The following ALMS1 variants were observed in gnomAD, a reference collection of about 807,000 sequenced individuals.
ALMS1 encodes centrosome-associated protein ALMS1.
ALMS1 carries 271 observed loss-of-function variants against 352.2 expected under a neutral mutation model. The observed-to-expected ratio is 0.77, with a 90% CI of 0.70 to 0.85. The LOEUF is 0.85. Among genes scored for constraint, ALMS1 ranks in the 40% least tolerant of loss-of-function variants. ALMS1 has a pLI of 0.00. For missense variants in ALMS1, 5,445 were observed against 4,870.7 expected (o/e 1.12, Z -3.51); for synonymous variants, 1,865 against 1,761.2 (o/e 1.06, Z -1.48).
chr2:73,397,447 A>G (rs1451096692), intron 1 of ALMS1, among the ~76,000 whole-genome samples: 1 of 149,926 alleles, frequency 6.7e-6, no homozygotes, highest in Non-Finnish European at 1.5e-5. Flanking sequence ...GCTTCACCAG[A>G]CCTCTGTTTT....
chr2:73,463,298 C>A (rs1221612530), intron 9 of ALMS1, among the ~76,000 whole-genome samples: 1 of 152,194 alleles, frequency 6.6e-6, no homozygotes, highest in Admixed American at 6.5e-5. Context: ...TTCAGAATCT[C>A]ACTCAAAACC....
intron 2 of ALMS1, among the ~76,000 whole-genome samples, chr2:73,409,641 G>A (rs1344940618): frequency 5.3e-5 from 8 of 151,904 alleles, no homozygotes; most frequent in African/African-American, 1.2e-4. Flanking sequence ...TTTAAATTCC[G>A]GCTTACTAGA....
At chr2:73,552,919 A>G (rs1674468364) in intron 13 of ALMS1, among the ~76,000 whole-genome samples, 1 of 152,226 alleles carries the variant, frequency 6.6e-6, no homozygotes, top group African/African-American at 2.4e-5. Flanking sequence ...ATTTTTTAAA[A>G]TTCAAGATTG....
intron 10 of ALMS1, among the ~76,000 whole-genome samples, chr2:73,499,127 T>C (rs892313235): frequency 6.6e-6 from 1 of 152,222 alleles, no homozygotes; most frequent in Non-Finnish European, 1.5e-5. Context: ...GTCTTTTCCA[T>C]ATAAGCCATT....
At chr2:73,408,597 A>T in intron 1 of ALMS1, 25 bp from the exon 2 acceptor site, 1 of 1,609,538 alleles carries the variant, frequency 6.2e-7, no homozygotes, top group Non-Finnish European at 8.5e-7. Context: ...TTATTACTCT[A>T]TTTAAGCCTG....
chr2:73,531,558 G>A (rs542265432), intron 11 of ALMS1, among the ~76,000 whole-genome samples: 126 of 152,268 alleles, frequency 8.3e-4, no homozygotes, highest in South Asian at 1.5e-3. Flanking sequence ...CTTCCTCTAA[G>A]CCCTCCAGCC....
At chr2:73,400,303 A>G (rs1438918612) in intron 1 of ALMS1, among the ~76,000 whole-genome samples, 1 of 152,226 alleles carries the variant, frequency 6.6e-6, no homozygotes, top group Non-Finnish European at 1.5e-5. Flanking sequence ...CCCACTTGTC[A>G]TGATGTACAA....
intron 1 of ALMS1, among the ~76,000 whole-genome samples, chr2:73,394,998 A>ATATGTGTATATG (rs1670724759): frequency 6.9e-6 from 1 of 145,018 alleles, no homozygotes; most frequent in African/African-American, 2.5e-5. Context: ...GTGTATATAT[A>ATATGTGTATATG]TATGTGTATA....
rs1278659455 is a variant in ALMS1, at chr2:73,453,992, T to C, written c.7465T>C (p.Cys2489Arg). 6.2e-7 allele frequency: 1 copy of C among 1,613,900 alleles called. No homozygotes were observed. Among genetic ancestry groups the C allele is most frequent in the Non-Finnish European group, 8.5e-7 (1 of 1,179,948 alleles). ...LAAHVKNLLQCESSLNHAKEI... is the reference protein window; with the variant it reads ...LAAHVKNLLQRESSLNHAKEI... ...TGCACATGTGAAAAACCTTCTGCAA[T>C]GTGAATCCTCACTGAATCATGCTAA... The change falls in exon 8 of 23, where the codon TGT becomes CGT. Residue 2489 changes from cysteine to arginine, a missense_variant. Physicochemically the swap from Cys to Arg is radical, Grantham distance 180. Transcript: ENST00000613296.
rs140230709 is a variant in ALMS1 at position 73,443,580 on chromosome 2, C to CT, written c.1433-4372dup. Among the ~76,000 whole-genome samples the CT allele has an allele frequency of 9.6e-3, 1,452 of 151,972 alleles. 19 individuals carry two copies. Among genetic ancestry groups the CT allele is most frequent in the African/African-American group, 0.032 (1,340 of 41,418 alleles). ...GCCCTTACACTGAATTTAGTAATTGCTTTTTTTTACTTGTTTCTGTCTCCC... is the reference window on the plus strand; with the variant it reads ...GCCCTTACACTGAATTTAGTAATTGCTTTTTTTTTACTTGTTTCTGTCTCCC... On this transcript the variant is annotated intron_variant, in intron 7 of 22. Transcript: ENST00000613296.
chr2:73,451,760 G>C lies in ALMS1; in HGVS notation c.5233G>C (p.Ala1745Pro). The change falls in exon 8 of 23, where the codon GCT becomes CCT. Residue 1745 changes from alanine to proline, a missense_variant. By Grantham distance (27) the Ala-to-Pro change is conservative. Transcript: ENST00000613296. ...ALKVSAVPQP[A>P]DQKTGLSTVT... Reference sequence around the variant, plus strand: ...GAAAGTTTCAGCTGTTCCTCAACCAGCTGACCAGAAGACTGGGTTATCTAC... The same window carrying C: ...GAAAGTTTCAGCTGTTCCTCAACCACCTGACCAGAAGACTGGGTTATCTAC... The C allele has an allele frequency of 6.2e-7, 1 of 1,614,082 alleles. No homozygotes were observed. Among genetic ancestry groups the C allele is most frequent in the Non-Finnish European group, 8.5e-7 (1 of 1,180,004 alleles).
intron 21 of ALMS1, chr2:73,603,636 G>C (rs765011576): frequency 2.6e-5 from 9 of 342,198 alleles, no homozygotes; most frequent in Admixed American, 2.5e-4. Context: ...GAGGTGTGCA[G>C]ATCACATGAG....
chr2:73,498,576 C>T (rs753423141), intron 10 of ALMS1, among the ~76,000 whole-genome samples: 2 of 151,930 alleles, frequency 1.3e-5, no homozygotes, highest in Admixed American at 6.6e-5. Flanking sequence ...CACTACCTTT[C>T]TCAGCCTCTG....
chr2:73,433,978 C>A (rs1473620443), intron 7 of ALMS1, among the ~76,000 whole-genome samples: 2 of 152,202 alleles, frequency 1.3e-5, no homozygotes, highest in Non-Finnish European at 2.9e-5. Context: ...ATTTTAGTAA[C>A]TTAAGTTTTC....
chr2:73,474,561 A>C (rs1672544876), intron 9 of ALMS1, among the ~76,000 whole-genome samples: 1 of 151,846 alleles, frequency 6.6e-6, no homozygotes. Context: ...TGCAATGTCC[A>C]CCTCCCGAGC....
intron 12 of ALMS1, among the ~76,000 whole-genome samples, chr2:73,540,470 G>A (rs1674148525): frequency 1.3e-5 from 2 of 152,082 alleles, no homozygotes; most frequent in South Asian, 2.1e-4. Context: ...ATCAACTAAC[G>A]AGCAAAATAA....
At chr2:73,387,676 A>C (rs1356320514) in intron 1 of ALMS1, among the ~76,000 whole-genome samples, 1 of 152,182 alleles carries the variant, frequency 6.6e-6, no homozygotes, top group African/African-American at 2.4e-5. Flanking sequence ...GAGTTGAAGA[A>C]AATATTTGAA....
intron 9 of ALMS1, among the ~76,000 whole-genome samples, chr2:73,487,906 CG>C (rs1044941464): frequency 1.4e-4 from 21 of 152,242 alleles, no homozygotes; most frequent in Admixed American, 7.8e-4. Flanking sequence ...AGAAGAGACC[CG>C]GAGTGGCTAG....
chr2:73,541,912 G>A (rs1674192701), intron 12 of ALMS1, among the ~76,000 whole-genome samples: 2 of 152,204 alleles, frequency 1.3e-5, no homozygotes, highest in Admixed American at 1.3e-4. Flanking sequence ...GGACCAGATG[G>A]ATTCACAGCC....
Sources: allele counts gnomAD v4.1 joint callset (sites outside exome capture counted in the v4.1 genomes callset), GRCh38; gene constraint gnomAD v4.1.1; transcripts MANE v1.5; gene names NCBI Gene and HGNC (gene_info 2026-07-23, HGNC 2026-07-21).